Variants in BUB1B observed in about 807,000 individuals in gnomAD.
BUB1B encodes the protein mitotic checkpoint serine/threonine-protein kinase BUB1 beta.
BUB1B carries 86 observed loss-of-function variants against 137.7 expected under a neutral mutation model. The ratio of observed to expected loss-of-function variants is 0.62; its 90% CI spans 0.52 to 0.75. The LOEUF (loss-of-function observed/expected upper bound fraction) is 0.75, where lower values mean the gene tolerates loss of function less well. BUB1B is among the 30% of genes least tolerant of loss of function. The probability of loss-of-function intolerance (pLI) is 0.00; values close to 1 mark genes in which losing one functional copy is unlikely to be tolerated. For missense variants in BUB1B, 1,130 were observed against 1,236.9 expected, an observed-to-expected ratio of 0.91 and a Z score of 1.30; for synonymous variants, 420 against 417.9, an observed-to-expected ratio of 1.00 and a Z score of -0.06.
Position 40,185,646 on chromosome 15 carries a change from AGT to A in BUB1B, c.1058+8_1058+9del, listed in dbSNP as rs1217693564. 4.3e-6 allele frequency: 7 copies of A among 1,611,732 alleles called. No individual in the cohort carries two copies. Among genetic ancestry groups the A allele is most frequent in the Middle Eastern group, 3.3e-4 (2 of 6,078 alleles). ...AGACTGCACGACAGCCAGTTATGTG[AGT>A]GTGGTTTTTGGATATTTTGAAGTGG... On this transcript the variant is annotated splice_donor_5th_base_variant and intron_variant, in intron 8 of 22. Transcript: ENST00000287598.
In BUB1B at chr15:40,176,618, C is replaced by T; in HGVS notation, c.526C>T (p.Gln176Ter). The T allele has an allele frequency of 1.2e-6, 2 of 1,614,092 alleles. No homozygotes were observed. Among genetic ancestry groups the T allele is most frequent in the Non-Finnish European group, 1.7e-6 (2 of 1,180,000 alleles). ...ENFRKADAIF[Q>*]EGIQQKAEPL... is the part of the protein sequence containing the mutation. ...CTTTAGGAAAGCAGATGCGATATTTCAGGAAGGGATTCAACAGAAGGCTGA... is the reference window on the plus strand; with the variant it reads ...CTTTAGGAAAGCAGATGCGATATTTTAGGAAGGGATTCAACAGAAGGCTGA... The change falls in exon 5 of 23, where the codon CAG becomes TAG. Residue 176 changes from glutamine (Q) to a stop codon, truncating the protein, a stop_gained. Coordinates refer to ENST00000287598, the MANE Select transcript of BUB1B (RefSeq NM_001211.6). LOFTEE classifies it high-confidence loss of function.
In BUB1B at chr15:40,161,186, T is replaced by C. The variant is rs1373195958; in HGVS notation, c.-35T>C. 1.2e-6 allele frequency: 2 copies of C among 1,611,024 alleles called. No homozygotes were observed. Among genetic ancestry groups the C allele is most frequent in the African/African-American group, 2.7e-5 (2 of 74,814 alleles). Reference sequence around the variant, plus strand: ...CGGTCTGTGGCCCAGAGGAAAGGCCTGCAGCAGGACGAGGACCTGAGCCAG... The same window carrying C: ...CGGTCTGTGGCCCAGAGGAAAGGCCCGCAGCAGGACGAGGACCTGAGCCAG... On this transcript the variant is annotated 5_prime_UTR_variant, in exon 1 of 23. Coordinates refer to ENST00000287598, the MANE Select transcript of BUB1B (RefSeq NM_001211.6).
chr15:40,186,413 C>G (rs1488197312), intron 8 of BUB1B, among the ~76,000 whole-genome samples: 1 of 139,568 alleles, frequency 7.2e-6, no homozygotes, highest in Non-Finnish European at 1.5e-5. Context: ...TAGTCTAATG[C>G]TTAACATTGC....
intron 2 of BUB1B, among the ~76,000 whole-genome samples, chr15:40,166,101 C>T (rs964039446): frequency 6.6e-6 from 1 of 152,208 alleles, no homozygotes; most frequent in Non-Finnish European, 1.5e-5. Flanking sequence ...GATCCGCCCA[C>T]CTTGGCATCC....
intron 18 of BUB1B, among the ~76,000 whole-genome samples, chr15:40,211,785 G>A (rs957915253): frequency 1.3e-5 from 2 of 151,856 alleles, no homozygotes; most frequent in African/African-American, 4.8e-5. Context: ...GGCTATGGGA[G>A]CAGAGGAGGG....
At chr15:40,213,944 A>C (rs2037744787) in intron 20 of BUB1B, among the ~76,000 whole-genome samples, 1 of 152,266 alleles carries the variant, frequency 6.6e-6, no homozygotes, top group African/African-American at 2.4e-5. Context: ...AGTTTAAAAT[A>C]ATTCAAAGAA....
chr15:40,192,631 T>C (rs2037451023), intron 8 of BUB1B, among the ~76,000 whole-genome samples: 1 of 152,194 alleles, frequency 6.6e-6, no homozygotes, highest in Non-Finnish European at 1.5e-5. Context: ...CAGAAAATCA[T>C]GTAGCTGGAA....
chr15:40,209,591 G>A (rs2037683479), intron 16 of BUB1B, 44 bp from the exon 17 acceptor site: 4 of 1,612,750 alleles, frequency 2.5e-6, no homozygotes, highest in Admixed American at 1.7e-5. Context: ...TAAGCATTAG[G>A]GTTTTTTTGG....
At chr15:40,189,052 C>T (rs2037405326) in intron 8 of BUB1B, among the ~76,000 whole-genome samples, 1 of 152,128 alleles carries the variant, frequency 6.6e-6, no homozygotes, top group East Asian at 1.9e-4. Context: ...CCCACCATTA[C>T]CCCAATCCCC....
intron 2 of BUB1B, among the ~76,000 whole-genome samples, chr15:40,168,590 A>G (rs2037127888): frequency 6.6e-6 from 1 of 152,206 alleles, no homozygotes; most frequent in Non-Finnish European, 1.5e-5. Flanking sequence ...GGCTATCCTT[A>G]TAAAGTTGCT....
At chr15:40,187,284 C>T (rs1293554753) in intron 8 of BUB1B, among the ~76,000 whole-genome samples, 2 of 152,120 alleles carry the variant, frequency 1.3e-5, no homozygotes, top group Admixed American at 6.6e-5. Flanking sequence ...TGCCACCACG[C>T]CTGGCTAATT....
chr15:40,161,128 G>T lies in BUB1B; in HGVS notation c.-93G>T. The T allele has an allele frequency of 3.9e-6, 6 of 1,528,682 alleles. No homozygotes were observed. The highest frequency in any genetic ancestry group is 2.4e-5 in the South Asian group (2 of 82,320). 94.7% of individuals were successfully genotyped at this position (1,528,682 alleles called of 1,614,324 possible). A position where few individuals can be genotyped will look rare whatever the true frequency, so the allele number is the denominator to read the frequency against. On this transcript the variant is annotated 5_prime_UTR_variant, in exon 1 of 23. Coordinates refer to ENST00000287598, the MANE Select transcript of BUB1B (RefSeq NM_001211.6). Reference sequence around the variant, plus strand: ...TGTACGTGCCTTGGTCGCTTCTGTAGCTCCGAGGGCAGGTTGCGGAAGAAA... The same window carrying T: ...TGTACGTGCCTTGGTCGCTTCTGTATCTCCGAGGGCAGGTTGCGGAAGAAA...
intron 4 of BUB1B, among the ~76,000 whole-genome samples, chr15:40,175,012 T>A (rs2140884614): frequency 6.6e-6 from 1 of 152,238 alleles, no homozygotes; most frequent in Non-Finnish European, 1.5e-5. Context: ...AGGGATTGTT[T>A]TTAATAGCTT....
intron 4 of BUB1B, among the ~76,000 whole-genome samples, chr15:40,173,294 A>AT (rs2037186545): frequency 1.7e-5 from 2 of 116,986 alleles, no homozygotes; most frequent in Non-Finnish European, 3.5e-5. Flanking sequence ...AGAAAAAAAG[A>AT]TAAAAAAAAA....
rs776250723 is a variant in BUB1B, at chr15:40,210,079, A to T, written c.2285-31A>T. 8 of 1,542,204 alleles carry T rather than the reference A, an allele frequency of 5.2e-6. No individual in the cohort carries two copies. In the East Asian group the frequency reaches 1.3e-4, roughly 26 times the overall value. ...TACAGGGCTGTATATGTTCACAGTG[A>T]TTTTTAAATGGAATCAAACTTTCTC... On this transcript the variant is annotated intron_variant, in intron 17 of 22. Coordinates refer to ENST00000287598, the MANE Select transcript of BUB1B (RefSeq NM_001211.6).
At chr15:40,194,255 T>C (rs1260955014) in intron 8 of BUB1B, among the ~76,000 whole-genome samples, 1 of 152,202 alleles carries the variant, frequency 6.6e-6, no homozygotes, top group Non-Finnish European at 1.5e-5. Flanking sequence ...ACTCGTTTGT[T>C]ATCTAAGACC....
At position 40,176,370 on chromosome 15, in the gene BUB1B, T is replaced by G. The variant is rs1002866900; in HGVS notation, c.385-107T>G. 3 of 1,045,458 alleles carry G rather than the reference T, an allele frequency of 2.9e-6. No homozygotes were observed. The African/African-American group carries it at 4.8e-5, about 17-fold the overall frequency. 64.8% of individuals were successfully genotyped at this position (1,045,458 alleles called of 1,614,324 possible). ...TTATCACATTGTAATAATAGATTTTTTTTTCAATACAGGAATTGCATGTAG... is the reference window on the plus strand; with the variant it reads ...TTATCACATTGTAATAATAGATTTTGTTTTCAATACAGGAATTGCATGTAG... On this transcript the variant is annotated intron_variant, in intron 4 of 22. Coordinates refer to ENST00000287598, the MANE Select transcript of BUB1B (RefSeq NM_001211.6).
Position 40,196,614 on chromosome 15 carries a change from A to T in BUB1B, c.1128A>T (p.Gly376=), listed in dbSNP as rs140278852. 101 of 1,614,074 alleles carry T rather than the reference A, an allele frequency of 6.3e-5. No individual in the cohort carries two copies. In the African/African-American group the frequency reaches 1.2e-3, roughly 20 times the overall value. The change falls in exon 9 of 23, where the codon GGA becomes GGT. Residue 376 remains glycine (G), a synonymous_variant. Coordinates refer to ENST00000287598, the MANE Select transcript of BUB1B (RefSeq NM_001211.6). ...CCAGAAAGCCTGGAAAGGAAGAAGG[A>T]GATCCTCTACAAAGGGTTCAGAGCC... ...LSTRKPGKEE[G]DPLQRVQSHQ...
At chr15:40,172,130 A>C (rs1359394060) in intron 4 of BUB1B, among the ~76,000 whole-genome samples, 2 of 151,878 alleles carry the variant, frequency 1.3e-5, no homozygotes, top group Non-Finnish European at 2.9e-5. Context: ...TAAAGTAATA[A>C]AGTAAGAAAT....
Sources: gnomAD v4.1 joint callset for allele counts (sites outside exome capture counted in the v4.1 genomes callset) on GRCh38, gnomAD v4.1.1 for gene constraint, MANE v1.5 for transcripts, NCBI Gene and HGNC (gene_info 2026-07-23, HGNC 2026-07-21) for gene names.